The following C18orf63 variants were observed in gnomAD, a reference collection of about 807,000 sequenced individuals.
C18orf63 encodes the protein chromosome 18 open reading frame 63, also known as uncharacterized protein C18orf63.
A neutral mutation model predicts 75.3 loss-of-function variants in C18orf63; 50 were observed. The ratio of observed to expected loss-of-function variants is 0.66; its 90% CI spans 0.53 to 0.84. The LOEUF (loss-of-function observed/expected upper bound fraction) is 0.84. C18orf63 is among the 40% of genes least tolerant of loss of function. The pLI, the probability that C18orf63 is intolerant of heterozygous loss-of-function variation, is 0.00. For synonymous variants in C18orf63, 232 were observed against 267.6 expected (o/e 0.87, Z 1.30); for missense variants, 732 against 800.2 (o/e 0.91, Z 1.03).
At chr18:74,343,359 T>C (rs551416986) in intron 10 of C18orf63, among the ~76,000 whole-genome samples, 160 bp from the exon 11 acceptor site, 248 of 152,274 alleles carry the variant, frequency 1.6e-3, no homozygotes, top group Middle Eastern at 0.01. Context: ...TGAGAAAACA[T>C]ACTTTCATCT....
chr18:74,338,254 G>A lies in C18orf63; in HGVS notation c.502-461G>A, dbSNP rs34014048. On this transcript the variant is annotated intron_variant, in intron 7 of 13. Coordinates refer to ENST00000579455, the MANE Select transcript of C18orf63 (RefSeq NM_001174123.2). The stretch of plus-strand genomic sequence containing the variant: ...GAAAGTGTTCTAGGAAGCTGGGAGG[G>A]GTATAAAAGGAGACTGGAGCATTGG... Among the ~76,000 whole-genome samples the A allele has an allele frequency of 5.4e-3, 816 of 151,868 alleles. 6 individuals are homozygous for A. The highest frequency in any genetic ancestry group is 9.2e-3 in the Non-Finnish European group (626 of 67,914).
chr18:74,321,422 A>G (rs1984119421), intron 3 of C18orf63, among the ~76,000 whole-genome samples: 1 of 151,804 alleles, frequency 6.6e-6, no homozygotes, highest in African/African-American at 2.4e-5. Context: ...CTCCTCCATC[A>G]GCCTCTCGAG....
At chr18:74,322,627 A>T in intron 3 of C18orf63, 71 bp from the exon 4 acceptor site, 1 of 483,068 alleles carries the variant, frequency 2.1e-6, no homozygotes, top group Non-Finnish European at 3.4e-6. Flanking sequence ...AATGCTTAAA[A>T]TCTTTATTGC....
intron 11 of C18orf63, among the ~76,000 whole-genome samples, chr18:74,346,109 G>A (rs1984571140): frequency 6.6e-6 from 1 of 151,920 alleles, no homozygotes; most frequent in African/African-American, 2.4e-5. Context: ...ATAACTTTAT[G>A]TATGGGAAGT....
chr18:74,353,817 A>T lies in C18orf63; in HGVS notation c.1550A>T (p.Glu517Val). The T allele has an allele frequency of 6.5e-7, 1 of 1,535,982 alleles. No individual in the cohort carries two copies. The highest frequency in any genetic ancestry group is 8.7e-7 in the Non-Finnish European group (1 of 1,146,802). ...AGACCTCTGCAAGAAAAAAATACAGAGTCTTCTGAAAATATGACAAAATTT... is the reference window on the plus strand; with the variant it reads ...AGACCTCTGCAAGAAAAAAATACAGTGTCTTCTGAAAATATGACAAAATTT... ...NSRPLQEKNT[E>V]SSENMTKFPS... The change falls in exon 12 of 14, where the codon GAG (glutamate) becomes GTG (valine). Residue 517 changes from glutamate (E) to valine (V), a missense_variant. By Grantham distance (121) the Glu-to-Val change is moderately radical. Coordinates refer to ENST00000579455, the MANE Select transcript of C18orf63 (RefSeq NM_001174123.2).
intron 10 of C18orf63, among the ~76,000 whole-genome samples, chr18:74,343,239 A>G (rs1984517746): frequency 6.6e-6 from 1 of 152,094 alleles, no homozygotes; most frequent in Non-Finnish European, 1.5e-5. Flanking sequence ...TCTTCCTTAT[A>G]AATCGTTTTT....
At chr18:74,341,793 G>A (rs898846369) in intron 8 of C18orf63, among the ~76,000 whole-genome samples, 3 of 151,614 alleles carry the variant, frequency 2.0e-5, no homozygotes, top group Non-Finnish European at 4.4e-5. Flanking sequence ...AATCCACAAT[G>A]TATACATATT....
intron 3 of C18orf63, among the ~76,000 whole-genome samples, chr18:74,321,960 AC>A (rs1267639757): frequency 2.0e-5 from 3 of 151,994 alleles, no homozygotes; most frequent in African/African-American, 7.2e-5. Flanking sequence ...TATCTTCCTC[AC>A]TTTTAAGGCT....
chr18:74,335,869 C>G (rs1319331390), intron 7 of C18orf63, among the ~76,000 whole-genome samples: 2 of 151,902 alleles, frequency 1.3e-5, no homozygotes, highest in Non-Finnish European at 2.9e-5. Context: ...ATTCACATAC[C>G]CAGAAAATTC....
At chr18:74,326,887 T>TG (rs1211070760) in intron 4 of C18orf63, among the ~76,000 whole-genome samples, 6 of 152,228 alleles carry the variant, frequency 3.9e-5, no homozygotes, top group Admixed American at 1.3e-4. Flanking sequence ...TGGTTGCGTG[T>TG]GCCCATGTAA....
At chr18:74,354,307 T>C (rs1212521166) in intron 12 of C18orf63, 39 bp downstream of exon 12, 1 of 1,454,142 alleles carries the variant, frequency 6.9e-7, no homozygotes, top group Admixed American at 2.6e-5. Flanking sequence ...TATCATATGC[T>C]AGACCCTTAA....
At chr18:74,335,258 T>C (rs1422937516) in intron 7 of C18orf63, among the ~76,000 whole-genome samples, 2 of 152,168 alleles carry the variant, frequency 1.3e-5, no homozygotes, top group Non-Finnish European at 2.9e-5. Flanking sequence ...CTTTTGTTTC[T>C]AAATTCTTTT....
chr18:74,316,407 G>GC (rs1568233559), intron 1 of C18orf63, among the ~76,000 whole-genome samples: 1 of 152,152 alleles, frequency 6.6e-6, no homozygotes, highest in East Asian at 1.9e-4. Context: ...GTGGGCGCTC[G>GC]CCTGGGGGCA....
rs543759517 is a variant in C18orf63, at chr18:74,354,436, T to G, written c.2002-21T>G. 8 of 1,396,210 alleles carry G rather than the reference T, an allele frequency of 5.7e-6. No homozygotes were observed. The East Asian group carries it at 1.2e-4, about 22-fold the overall frequency. 86.5% of individuals were successfully genotyped at this position (1,396,210 alleles called of 1,614,324 possible). On this transcript the variant is annotated intron_variant, in intron 12 of 13. Transcript: ENST00000579455. ...CTATGCAGTTAATTTGTAACAAATG[T>G]GATTCTTCAATCTAATACAGATACT...
intron 7 of C18orf63, among the ~76,000 whole-genome samples, chr18:74,334,717 A>C (rs1249251983): frequency 6.6e-6 from 1 of 151,958 alleles, no homozygotes; most frequent in Non-Finnish European, 1.5e-5. Context: ...CCTCCAGTTT[A>C]TTTTGTTTGC....
chr18:74,353,636 A>C lies in C18orf63; in HGVS notation c.1369A>C (p.Lys457Gln), dbSNP rs1460002771. ...NKNTSVLGSP[K>Q]RKQHDVTQSK... ...AAATACCTCAGTACTTGGCAGCCCAAAAAGAAAACAGCATGATGTGACACA... is the reference window on the plus strand; with the variant it reads ...AAATACCTCAGTACTTGGCAGCCCACAAAGAAAACAGCATGATGTGACACA... Residue 457 changes from lysine to glutamine, a missense_variant, in exon 12 of 14, where the codon AAA becomes CAA. This residue lies in a region of C18orf63 where 495 missense variants were observed against 508.7 expected (regional missense o/e 0.97). Transcript: ENST00000579455. The C allele has an allele frequency of 2.0e-6, 3 of 1,536,218 alleles. No homozygotes were observed. The South Asian group carries it at 3.6e-5, about 18-fold the overall frequency.
At chr18:74,345,322 C>T (rs951379093) in intron 11 of C18orf63, among the ~76,000 whole-genome samples, 1 of 151,826 alleles carries the variant, frequency 6.6e-6, no homozygotes, top group African/African-American at 2.4e-5. Context: ...CATTCTATAA[C>T]ATGCTTTCTC....
chr18:74,323,081 G>C (rs1984151890), intron 4 of C18orf63, among the ~76,000 whole-genome samples: 2 of 152,194 alleles, frequency 1.3e-5, no homozygotes, highest in African/African-American at 4.8e-5. Context: ...TAGCTAATAT[G>C]TAGAGAAATA....
At position 74,353,740 on chromosome 18, in the gene C18orf63, TAGTAGTAAC is replaced by T. The variant is rs1202354632; in HGVS notation, c.1475_1483del (p.Ser492_Asn494del). 9.1e-6 allele frequency: 14 copies of T among 1,536,084 alleles called. No homozygotes were observed. The highest frequency in any genetic ancestry group is 1.1e-5 in the Non-Finnish European group (13 of 1,146,900). ...TAGGTCCAGCTATAAAAAACCGTTA[TAGTAGTAAC>T]ATTCAGATGCAGGCTGCTAACAATT... On this transcript the variant is annotated inframe_deletion, in exon 12 of 14. Transcript: ENST00000579455.
Sources: allele counts gnomAD v4.1 joint callset (sites outside exome capture counted in the v4.1 genomes callset), GRCh38; gene constraint gnomAD v4.1.1; regional missense constraint gnomAD v4.1.1; transcripts MANE v1.5; gene names NCBI Gene and HGNC (gene_info 2026-07-23, HGNC 2026-07-21).